Variants in NXPE4 observed in about 807,000 individuals in gnomAD.
The protein encoded by NXPE4 is NXPE family member 4.
In NXPE4, 42 loss-of-function variants were observed where a neutral mutation model predicts 33.3. The observed-to-expected ratio is 1.26, with a 90% confidence interval of 0.98 to 1.63. NXPE4 has a LOEUF of 1.63. NXPE4 is among the 40% of genes most tolerant of loss of function. The pLI is 0.00. For synonymous variants in NXPE4, 253 were observed against 234.9 expected, an observed-to-expected ratio of 1.08 and a Z score of -0.71; for missense variants, 709 against 647.6, an observed-to-expected ratio of 1.09 and a Z score of -1.03.
At chr11:114,624,946 CGTGA>C in the NXPE4 span, among the ~76,000 whole-genome samples, 1,954 of 152,160 alleles carry the variant, frequency 0.013, 30 homozygotes, top group African/African-American at 0.044. Flanking sequence ...CGTGTTGCCT[CGTGA>C]GTAACCACTG....
chr11:114,587,089 A>G (rs888623537), intron 2 of NXPE4, among the ~76,000 whole-genome samples: 18 of 152,124 alleles, frequency 1.2e-4, no homozygotes, highest in African/African-American at 4.3e-4. Context: ...CCTTTGCGGA[A>G]ACACTCTTAA....
the NXPE4 span, among the ~76,000 whole-genome samples, chr11:114,664,823 C>G: frequency 6.6e-6 from 1 of 152,172 alleles, no homozygotes; most frequent in South Asian, 2.1e-4. Flanking sequence ...AGCTCCCAGT[C>G]TGTCACACAA....
At chr11:114,633,607 T>C in the NXPE4 span, among the ~76,000 whole-genome samples, 9 of 145,474 alleles carry the variant, frequency 6.2e-5, no homozygotes, top group African/African-American at 1.7e-4. Context: ...ATGCTATCCC[T>C]CCCACCCTGC....
At chr11:114,676,975 C>A in the NXPE4 span, among the ~76,000 whole-genome samples, 5 of 151,916 alleles carry the variant, frequency 3.3e-5, no homozygotes, top group African/African-American at 1.2e-4. Context: ...CATGGGTGAA[C>A]CTGGAGGACA....
chr11:114,629,174 A>G, the NXPE4 span, among the ~76,000 whole-genome samples: 22,070 of 152,050 alleles, frequency 0.15, 2,058 homozygotes, highest in East Asian at 0.38. Flanking sequence ...TCATTTTATG[A>G]GGCCAGCATC....
At chr11:114,653,187 TA>T in the NXPE4 span, among the ~76,000 whole-genome samples, 2 of 152,218 alleles carry the variant, frequency 1.3e-5, no homozygotes, top group Non-Finnish European at 2.9e-5. Flanking sequence ...AAAGGGTTTT[TA>T]AAACAAAACA....
At chr11:114,654,037 C>A in the NXPE4 span, among the ~76,000 whole-genome samples, 1 of 152,074 alleles carries the variant, frequency 6.6e-6, no homozygotes, top group Non-Finnish European at 1.5e-5. Flanking sequence ...ATAGGAAAAT[C>A]AAGTTATGTT....
chr11:114,607,878 G>A, the NXPE4 span, among the ~76,000 whole-genome samples: 6 of 143,594 alleles, frequency 4.2e-5, no homozygotes, highest in African/African-American at 7.7e-5. Context: ...CTGGTGGATA[G>A]TAAGTACTGC....
At chr11:114,669,815 T>C in the NXPE4 span, among the ~76,000 whole-genome samples, 13 of 152,216 alleles carry the variant, frequency 8.5e-5, no homozygotes, top group Non-Finnish European at 1.5e-4. Context: ...ATAATGGAGA[T>C]ATTGGTTGTA....
the NXPE4 span, among the ~76,000 whole-genome samples, chr11:114,602,535 A>G: frequency 2.2e-5 from 3 of 138,834 alleles, no homozygotes; most frequent in Non-Finnish European, 4.5e-5. Context: ...TATGATAATT[A>G]TCTCATATAC....
At chr11:114,615,247 C>T in the NXPE4 span, among the ~76,000 whole-genome samples, 36 of 151,756 alleles carry the variant, frequency 2.4e-4, no homozygotes, top group African/African-American at 8.5e-4. Flanking sequence ...CACTGTTACC[C>T]AGTGGATTAT....
rs763436480 is a variant in NXPE4, at chr11:114,580,318, C to A, written c.913G>T (p.Glu305Ter). ...GATGTCATTCCAAACTTGCATTTCT[C>A]TTTCATTGCAACTGTTTCTTCTGCC... Reference protein sequence around the residue: ...KCNKETVAMKEKCKFGMTSTI... With the variant: ...KCNKETVAMK The change falls in exon 5 of 6, where the codon GAG (glutamate) becomes TAG (stop). Residue 305 changes from glutamate to a stop codon, truncating the protein, a stop_gained. Coordinates refer to ENST00000375478, the MANE Select transcript of NXPE4 (RefSeq NM_001077639.2). LOFTEE classifies it high-confidence loss of function. The A allele has an allele frequency of 6.2e-7, 1 of 1,613,938 alleles. No homozygotes were observed. Among genetic ancestry groups the A allele is most frequent in the Non-Finnish European group, 8.5e-7 (1 of 1,179,906 alleles).
chr11:114,642,926 A>T, the NXPE4 span, among the ~76,000 whole-genome samples: 102,425 of 151,866 alleles, frequency 0.67, 34,924 homozygotes, highest in African/African-American at 0.75. Context: ...CCAGCATCGG[A>T]TGTTTCCTGA....
At chr11:114,639,338 G>A in the NXPE4 span, among the ~76,000 whole-genome samples, 1 of 152,008 alleles carries the variant, frequency 6.6e-6, no homozygotes, top group Non-Finnish European at 1.5e-5. Context: ...GTATTAGGGT[G>A]GGAGTGACCC....
chr11:114,614,315 A>C, the NXPE4 span, among the ~76,000 whole-genome samples: 1 of 146,332 alleles, frequency 6.8e-6, no homozygotes, highest in Non-Finnish European at 1.5e-5. Flanking sequence ...ATTGCCTCGT[A>C]GGTAACCACG....
In NXPE4 at chr11:114,582,362, A is replaced by G; in HGVS notation, c.756T>C (p.Ala252=). 1.9e-6 allele frequency: 3 copies of G among 1,614,050 alleles called. No homozygotes were observed. Among genetic ancestry groups the G allele is most frequent in the Non-Finnish European group, 2.5e-6 (3 of 1,179,908 alleles). Residue 252 remains alanine, a synonymous_variant, in exon 3 of 6, where the codon GCT becomes GCC. Transcript: ENST00000375478. ...TCTTAGAATACATGTGAGTGAGTGC[A>G]GCACAGGGCATGTGTTGAGGCCTCA... The part of the protein sequence containing the change: ...YCVRPQHMPC[A]ALTHMYSKNK...
At chr11:114,601,794 A>G in the NXPE4 span, among the ~76,000 whole-genome samples, 1 of 72,780 alleles carries the variant, frequency 1.4e-5, no homozygotes, top group Non-Finnish European at 2.3e-5. Context: ...AACATGTGAT[A>G]TATGATTATA....
the NXPE4 span, among the ~76,000 whole-genome samples, chr11:114,660,385 A>G: frequency 6.6e-6 from 1 of 152,074 alleles, no homozygotes; most frequent in Admixed American, 6.6e-5. Flanking sequence ...AATTAAATTT[A>G]GCAATTTATA....
chr11:114,601,954 A>T, the NXPE4 span, among the ~76,000 whole-genome samples: 1 of 82,122 alleles, frequency 1.2e-5, no homozygotes, highest in Admixed American at 2.3e-4. Flanking sequence ...AATTATATAT[A>T]ATATTATATA....
Sources: gnomAD v4.1 joint callset for allele counts (sites outside exome capture counted in the v4.1 genomes callset) on GRCh38, gnomAD v4.1.1 for gene constraint, MANE v1.5 for transcripts, NCBI Gene and HGNC (gene_info 2026-07-23, HGNC 2026-07-21) for gene names.